BBS7: variants seen among roughly 807,000 people sequenced by gnomAD.
The protein encoded by BBS7 is Bardet-Biedl syndrome 7, also known as BBSome complex member BBS7.
Under a neutral mutation model 90.3 loss-of-function variants are expected in BBS7, and 50 were observed. The observed-to-expected ratio is 0.55, with a 90% CI of 0.44 to 0.70. The LOEUF is 0.70. BBS7 is among the 30% of genes least tolerant of loss of function. The pLI is 0.00. For synonymous variants in BBS7, 235 were observed against 287.4 expected, an observed-to-expected ratio of 0.82 and a Z score of 1.85; for missense variants, 729 against 838.9, an observed-to-expected ratio of 0.87 and a Z score of 1.62.
intron 11 of BBS7, among the ~76,000 whole-genome samples, chr4:121,844,650 C>T (rs1046946356): frequency 1.3e-5 from 2 of 151,730 alleles, no homozygotes; most frequent in Non-Finnish European, 2.9e-5. Context: ...TTCTATTCAT[C>T]CTATTATTCT....
At chr4:121,847,269 C>T (rs897682269) in intron 10 of BBS7, 135 bp downstream of exon 10, 3 of 640,122 alleles carry the variant, frequency 4.7e-6, no homozygotes, top group Non-Finnish European at 8.1e-6. Context: ...CTGTAAACTT[C>T]CATTTTAAAA....
In BBS7 at chr4:121,848,723, C is replaced by G; in HGVS notation, c.934+121G>C. ...CACTGGGGGTCTTGGAATGGATTCCCCATGAATAAGGGGGGACTACTATAA... is the reference window on the plus strand; with the variant it reads ...CACTGGGGGTCTTGGAATGGATTCCGCATGAATAAGGGGGGACTACTATAA... On this transcript the variant is annotated intron_variant, in intron 9 of 18. Coordinates refer to ENST00000264499, the MANE Select transcript of BBS7 (RefSeq NM_176824.3). 3 of 751,378 alleles carry G rather than the reference C, an allele frequency of 4.0e-6. No homozygotes were observed. In the South Asian group the frequency reaches 4.9e-5, roughly 12 times the overall value. The allele number at this position is 751,378 out of a possible 1,614,324, so 46.5% of individuals were successfully genotyped here.
At chr4:121,862,226 T>C (rs1162936540) in intron 3 of BBS7, among the ~76,000 whole-genome samples, 4 of 152,218 alleles carry the variant, frequency 2.6e-5, no homozygotes, top group African/African-American at 7.2e-5. Flanking sequence ...TTACTGAAAA[T>C]GTGAATGTAT....
intron 10 of BBS7, among the ~76,000 whole-genome samples, chr4:121,846,840 C>G (rs527885153): frequency 1.2e-4 from 18 of 152,186 alleles, no homozygotes; most frequent in Non-Finnish European, 2.5e-4. Context: ...GGAGAGCAGT[C>G]ATTAAAAGTT....
chr4:121,846,112 G>A (rs778873398), intron 10 of BBS7, among the ~76,000 whole-genome samples: 2 of 152,164 alleles, frequency 1.3e-5, no homozygotes, highest in Non-Finnish European at 2.9e-5. Context: ...CAGTAAACAC[G>A]TAACTTTCAG....
chr4:121,864,789 T>C (rs1285107668), intron 2 of BBS7, among the ~76,000 whole-genome samples: 2 of 152,288 alleles, frequency 1.3e-5, no homozygotes, highest in East Asian at 1.9e-4. Flanking sequence ...TTGACAACAA[T>C]TGTACATATT....
At chr4:121,826,085 T>C in intron 18 of BBS7, 92 bp from the exon 19 acceptor site, 2 of 1,042,294 alleles carry the variant, frequency 1.9e-6, no homozygotes, top group Non-Finnish European at 2.8e-6. Context: ...AATCTATTTT[T>C]AAGCACCTGT....
intron 1 of BBS7, among the ~76,000 whole-genome samples, chr4:121,869,578 G>A (rs1727471464): frequency 6.6e-6 from 1 of 151,952 alleles, no homozygotes; most frequent in Non-Finnish European, 1.5e-5. Flanking sequence ...TCGCTCTGTC[G>A]CCCCAGCTGG....
chr4:121,858,612 T>C (rs1290380688), intron 5 of BBS7: 1 of 216,450 alleles, frequency 4.6e-6, no homozygotes. Context: ...TCAAGTTATA[T>C]AACATCCTCC....
intron 5 of BBS7, 97 bp from the exon 6 acceptor site, chr4:121,855,658 T>A: frequency 9.2e-7 from 1 of 1,087,864 alleles, no homozygotes; most frequent in Non-Finnish European, 1.4e-6. Context: ...GTACTCTTAG[T>A]AACACCTAGA....
In BBS7 at chr4:121,833,409, G is replaced by T. The variant is rs759936975; in HGVS notation, c.1512-14C>A. On this transcript the variant is annotated splice_polypyrimidine_tract_variant and intron_variant, in intron 14 of 18. Transcript: ENST00000264499. ...GTATTCATGGGTCTGTAATATAATA[G>T]TAGAGGCGCACATTTATGTGTGGGA... The T allele has an allele frequency of 6.2e-7, 1 of 1,612,910 alleles. No homozygotes were observed. Among genetic ancestry groups the T allele is most frequent in the East Asian group, 2.2e-5 (1 of 44,838 alleles).
intron 12 of BBS7, among the ~76,000 whole-genome samples, chr4:121,843,118 G>A (rs1387216048): frequency 6.6e-6 from 1 of 152,162 alleles, no homozygotes; most frequent in Non-Finnish European, 1.5e-5. Flanking sequence ...AATGTGCATG[G>A]GAGGGGTGGT....
At chr4:121,833,462 T>C (rs1725296167) in intron 14 of BBS7, 67 bp from the exon 15 acceptor site, 4 of 1,412,254 alleles carry the variant, frequency 2.8e-6, no homozygotes, top group African/African-American at 2.8e-5. Flanking sequence ...ATGTACACGT[T>C]AATAAGCAGA....
At chr4:121,862,276 CAA>C (rs1329242237) in intron 3 of BBS7, among the ~76,000 whole-genome samples, 5 of 151,998 alleles carry the variant, frequency 3.3e-5, no homozygotes, top group Admixed American at 3.3e-4. Flanking sequence ...TAACTGAAAA[CAA>C]TATTCATTTC....
chr4:121,846,576 G>T (rs971769395), intron 10 of BBS7, among the ~76,000 whole-genome samples: 4 of 152,146 alleles, frequency 2.6e-5, no homozygotes, highest in Non-Finnish European at 5.9e-5. Context: ...TAAAAAAAAG[G>T]TAATGTATTG....
At chr4:121,831,462 TAA>T (rs111284105) in intron 15 of BBS7, among the ~76,000 whole-genome samples, 2 of 141,954 alleles carry the variant, frequency 1.4e-5, no homozygotes, top group Admixed American at 1.4e-4. Context: ...GAGACTCTCT[TAA>T]AAAAAAAAAA....
intron 5 of BBS7, 68 bp from the exon 6 acceptor site, chr4:121,855,629 A>G (rs1560660760): frequency 1.5e-6 from 2 of 1,306,088 alleles, no homozygotes; most frequent in East Asian, 2.3e-5. Flanking sequence ...TTCATGAATA[A>G]CATCAATATT....
chr4:121,831,735 A>C (rs1239431497), intron 15 of BBS7, among the ~76,000 whole-genome samples: 1 of 152,114 alleles, frequency 6.6e-6, no homozygotes, highest in Admixed American at 6.6e-5. Context: ...GATGTTAAAA[A>C]CCAATTAGAT....
intron 13 of BBS7, among the ~76,000 whole-genome samples, chr4:121,838,962 C>G (rs1725595880): frequency 6.7e-6 from 1 of 150,268 alleles, no homozygotes; most frequent in South Asian, 2.1e-4. Flanking sequence ...TCAGTAAAAT[C>G]TGAACATTAA....
Sources: gnomAD v4.1 joint callset for allele counts (sites outside exome capture counted in the v4.1 genomes callset) on GRCh38, gnomAD v4.1.1 for gene constraint, MANE v1.5 for transcripts, NCBI Gene and HGNC (gene_info 2026-07-23, HGNC 2026-07-21) for gene names.